The following CLSTN2 variants were observed in gnomAD, a reference collection of about 807,000 sequenced individuals.
The protein encoded by CLSTN2 is calsyntenin 2.
In CLSTN2, 48 loss-of-function variants were observed where a neutral mutation model predicts 101.2. The observed-to-expected ratio is 0.47, with a 90% confidence interval of 0.38 to 0.60. CLSTN2 has a LOEUF of 0.60. CLSTN2 is among the 20% of genes least tolerant of loss of function. CLSTN2 has a pLI of 0.00. For synonymous variants in CLSTN2, 481 were observed against 463.6 expected (o/e 1.04, Z -0.48); for missense variants, 1,160 against 1,238.2 (o/e 0.94, Z 0.95).
chr3:140,539,454 T>C (rs946518973), intron 9 of CLSTN2, among the ~76,000 whole-genome samples: 30 of 152,334 alleles, frequency 2.0e-4, no homozygotes, highest in African/African-American at 7.2e-4. Flanking sequence ...AGAGTATCAC[T>C]GAGTTATAAT....
At chr3:139,973,900 G>C (rs1043617467) in intron 1 of CLSTN2, among the ~76,000 whole-genome samples, 1 of 152,158 alleles carries the variant, frequency 6.6e-6, no homozygotes, top group Non-Finnish European at 1.5e-5. Context: ...GCCTCCCAAA[G>C]TATTGGGATT....
At chr3:140,281,852 C>T (rs2086850423) in intron 2 of CLSTN2, among the ~76,000 whole-genome samples, 1 of 152,124 alleles carries the variant, frequency 6.6e-6, no homozygotes, top group African/African-American at 2.4e-5. Flanking sequence ...TGACTACCTG[C>T]CCTCCAGGCA....
intron 9 of CLSTN2, among the ~76,000 whole-genome samples, chr3:140,543,501 C>A (rs77598247): frequency 6.6e-6 from 1 of 152,178 alleles, no homozygotes; most frequent in African/African-American, 2.4e-5. Flanking sequence ...TGGCAAGTAA[C>A]AACACTGTGG....
intron 1 of CLSTN2, among the ~76,000 whole-genome samples, chr3:140,156,742 G>A (rs941024353): frequency 6.6e-6 from 1 of 152,186 alleles, no homozygotes; most frequent in African/African-American, 2.4e-5. Flanking sequence ...TACTCAGACT[G>A]CATGGAAGTC....
At chr3:140,327,164 T>G (rs749401054) in intron 2 of CLSTN2, among the ~76,000 whole-genome samples, 1 of 152,198 alleles carries the variant, frequency 6.6e-6, no homozygotes, top group Non-Finnish European at 1.5e-5. Context: ...ACACATGCGC[T>G]GAATGAGCCA....
chr3:140,031,105 A>C (rs1228106325), intron 1 of CLSTN2, among the ~76,000 whole-genome samples: 5 of 152,102 alleles, frequency 3.3e-5, no homozygotes, highest in Non-Finnish European at 4.4e-5. Flanking sequence ...TACACTTTTA[A>C]TTTTTCTTAA....
intron 1 of CLSTN2, among the ~76,000 whole-genome samples, chr3:140,162,007 GA>G (rs1202008675): frequency 6.6e-6 from 1 of 152,046 alleles, no homozygotes; most frequent in Non-Finnish European, 1.5e-5. Context: ...AACAACTGTT[GA>G]CAAGAATTTT....
intron 1 of CLSTN2, among the ~76,000 whole-genome samples, chr3:140,001,197 A>G (rs1028541222): frequency 1.3e-5 from 2 of 151,932 alleles, no homozygotes; most frequent in African/African-American, 4.8e-5. Context: ...ACACAGTACA[A>G]CTCTTACTAC....
chr3:140,443,298 C>A (rs752546144), intron 5 of CLSTN2, among the ~76,000 whole-genome samples: 1 of 152,246 alleles, frequency 6.6e-6, no homozygotes, highest in Non-Finnish European at 1.5e-5. Context: ...TTTCTGACCA[C>A]AGAATTGGAA....
At chr3:139,944,319 T>G (rs1935183269) in intron 1 of CLSTN2, among the ~76,000 whole-genome samples, 1 of 152,150 alleles carries the variant, frequency 6.6e-6, no homozygotes, top group African/African-American at 2.4e-5. Flanking sequence ...GTGGAGCCAC[T>G]TGAGAGAGAT....
intron 1 of CLSTN2, among the ~76,000 whole-genome samples, chr3:139,965,051 T>C (rs537536935): frequency 1.3e-5 from 2 of 152,322 alleles, no homozygotes; most frequent in East Asian, 1.9e-4. Flanking sequence ...TCTTCAGTGA[T>C]TTCATTTAAT....
At chr3:140,348,857 A>C (rs2087578489) in intron 2 of CLSTN2, among the ~76,000 whole-genome samples, 1 of 152,232 alleles carries the variant, frequency 6.6e-6, no homozygotes, top group Non-Finnish European at 1.5e-5. Context: ...TCTGTAGCTT[A>C]GGCAGTCTCT....
chr3:140,575,873 T>C lies in CLSTN2; in HGVS notation c.*9620T>C, dbSNP rs1985716438. 6.6e-6 allele frequency: 1 copy of C among 152,186 alleles called. No individual in the cohort carries two copies. Among genetic ancestry groups the C allele is most frequent in the South Asian group, 2.1e-4 (1 of 4,832 alleles). 9.4% of individuals were successfully genotyped at this position (152,186 alleles called of 1,614,324 possible). ...CCCAAAGCCATATACATATCTATAA[T>C]ACAGAAGTAAGAATAAAGTCATAAG... On this transcript the variant is annotated 3_prime_UTR_variant, in exon 17 of 17. Transcript: ENST00000458420.
At chr3:139,946,156 T>A (rs978862564) in intron 1 of CLSTN2, among the ~76,000 whole-genome samples, 1 of 152,156 alleles carries the variant, frequency 6.6e-6, no homozygotes, top group Non-Finnish European at 1.5e-5. Flanking sequence ...TTAGGATGTA[T>A]GATTTATGAT....
intron 1 of CLSTN2, among the ~76,000 whole-genome samples, chr3:139,974,422 G>T (rs1156625888): frequency 6.6e-6 from 1 of 152,160 alleles, no homozygotes; most frequent in Non-Finnish European, 1.5e-5. Context: ...CAGTTGTCCT[G>T]CTCCAGGGGA....
At chr3:140,465,212 G>T (rs1933660465) in intron 7 of CLSTN2, among the ~76,000 whole-genome samples, 1 of 152,208 alleles carries the variant, frequency 6.6e-6, no homozygotes, top group South Asian at 2.1e-4. Flanking sequence ...TCAAGGTAAA[G>T]TGTATCTAAG....
At chr3:140,242,193 T>G (rs1476781850) in intron 2 of CLSTN2, among the ~76,000 whole-genome samples, 1 of 152,074 alleles carries the variant, frequency 6.6e-6, no homozygotes, top group Non-Finnish European at 1.5e-5. Context: ...ATTATAGGTG[T>G]GAGCCACTGC....
At chr3:140,333,511 C>T (rs947768053) in intron 2 of CLSTN2, among the ~76,000 whole-genome samples, 3 of 152,142 alleles carry the variant, frequency 2.0e-5, no homozygotes, top group Non-Finnish European at 4.4e-5. Flanking sequence ...CCCCTGTGCC[C>T]ATGGTCTGAC....
chr3:140,334,076 C>A (rs1317349163), intron 2 of CLSTN2, among the ~76,000 whole-genome samples: 1 of 152,130 alleles, frequency 6.6e-6, no homozygotes, highest in Non-Finnish European at 1.5e-5. Context: ...TTCCATGCGA[C>A]CTTGGATATA....
Sources: allele counts gnomAD v4.1 joint callset (sites outside exome capture counted in the v4.1 genomes callset), GRCh38; gene constraint gnomAD v4.1.1; transcripts MANE v1.5; gene names NCBI Gene and HGNC (gene_info 2026-07-23, HGNC 2026-07-21).